The following SAMTOR variants were observed in gnomAD, a reference collection of about 807,000 sequenced individuals.
SAMTOR encodes UPF0532 protein C7orf60.
the SAMTOR span, among the ~76,000 whole-genome samples, chr7:112,916,835 T>C: frequency 2.6e-5 from 4 of 152,184 alleles, no homozygotes; most frequent in African/African-American, 4.8e-5. Flanking sequence ...AGAGTCTCGC[T>C]GATTGCTAGC....
chr7:112,834,382 CTTTT>C, the SAMTOR span, among the ~76,000 whole-genome samples: 3 of 142,650 alleles, frequency 2.1e-5, no homozygotes, highest in Non-Finnish European at 3.1e-5. Flanking sequence ...ATACACTTTA[CTTTT>C]TTTTTTTTCA....
At chr7:112,833,418 T>C in the SAMTOR span, among the ~76,000 whole-genome samples, 1 of 152,286 alleles carries the variant, frequency 6.6e-6, no homozygotes, top group East Asian at 1.9e-4. Context: ...TTAGACTTTT[T>C]CCCAGAATTA....
the SAMTOR span, among the ~76,000 whole-genome samples, chr7:112,921,970 C>T: frequency 6.6e-6 from 1 of 151,600 alleles, no homozygotes; most frequent in South Asian, 2.1e-4. Flanking sequence ...TCTCCCTCTC[C>T]CGCTCCCGCT....
chr7:112,819,821 A>G, the SAMTOR span: 1 of 152,494 alleles, frequency 6.6e-6, no homozygotes, highest in Non-Finnish European at 1.5e-5. Context: ...TTTACTTTCA[A>G]AGCATTTTCA....
At chr7:112,905,998 A>G in the SAMTOR span, among the ~76,000 whole-genome samples, 1 of 152,228 alleles carries the variant, frequency 6.6e-6, no homozygotes, top group Non-Finnish European at 1.5e-5. Context: ...ATAAACTCAT[A>G]TAAACAGAAA....
the SAMTOR span, among the ~76,000 whole-genome samples, chr7:112,936,819 T>C: frequency 6.6e-6 from 1 of 152,170 alleles, no homozygotes; most frequent in Non-Finnish European, 1.5e-5. Context: ...TAATCATACC[T>C]ATCCTATGGA....
At chr7:112,930,193 A>G in the SAMTOR span, among the ~76,000 whole-genome samples, 2 of 152,148 alleles carry the variant, frequency 1.3e-5, no homozygotes, top group African/African-American at 2.4e-5. Flanking sequence ...CTAAGTGCAA[A>G]CAAGTTCAGC....
At chr7:112,902,438 ACAAAAAAAAAC>A in the SAMTOR span, among the ~76,000 whole-genome samples, 81 of 93,002 alleles carry the variant, frequency 8.7e-4, 6 homozygotes, top group East Asian at 2.9e-3. Flanking sequence ...ACAAAAAAAA[ACAAAAAAAAAC>A]AAAAAAAAAA....
the SAMTOR span, among the ~76,000 whole-genome samples, chr7:112,910,640 C>A: frequency 6.6e-6 from 1 of 151,984 alleles, no homozygotes. Context: ...TCTCTAATGG[C>A]GGTACACCTC....
At chr7:112,859,729 G>A in the SAMTOR span, among the ~76,000 whole-genome samples, 1 of 152,186 alleles carries the variant, frequency 6.6e-6, no homozygotes, top group East Asian at 1.9e-4. Flanking sequence ...AAATTTAAAA[G>A]CTTATAGAAT....
At chr7:112,873,575 T>TA in the SAMTOR span, among the ~76,000 whole-genome samples, 2 of 152,172 alleles carry the variant, frequency 1.3e-5, no homozygotes, top group East Asian at 3.9e-4. Context: ...CAAGATGGGT[T>TA]AAAGGCTTAC....
At chr7:112,837,267 G>A in the SAMTOR span, among the ~76,000 whole-genome samples, 1 of 151,926 alleles carries the variant, frequency 6.6e-6, no homozygotes, top group Non-Finnish European at 1.5e-5. Context: ...GAATGCTGCT[G>A]ATTTTTGTAC....
chr7:112,930,240 T>A, the SAMTOR span, among the ~76,000 whole-genome samples: 2 of 152,116 alleles, frequency 1.3e-5, no homozygotes, highest in South Asian at 4.1e-4. Flanking sequence ...TGTTCAGAAT[T>A]CAGATTGTCT....
At chr7:112,928,616 T>C in the SAMTOR span, among the ~76,000 whole-genome samples, 1 of 151,974 alleles carries the variant, frequency 6.6e-6, no homozygotes, top group African/African-American at 2.4e-5. Context: ...ACATGAAAAG[T>C]ATAAACAAAT....
the SAMTOR span, among the ~76,000 whole-genome samples, chr7:112,930,477 A>C: frequency 2.0e-5 from 3 of 152,012 alleles, no homozygotes; most frequent in African/African-American, 7.2e-5. Context: ...ACATGCTAAA[A>C]AGGTTGGACT....
the SAMTOR span, among the ~76,000 whole-genome samples, chr7:112,911,478 AG>A: frequency 6.6e-6 from 1 of 152,108 alleles, no homozygotes; most frequent in Non-Finnish European, 1.5e-5. Flanking sequence ...CTGGAGAAAA[AG>A]GGTATTTATG....
the SAMTOR span, among the ~76,000 whole-genome samples, chr7:112,929,549 A>G: frequency 4.6e-5 from 7 of 152,068 alleles, no homozygotes; most frequent in African/African-American, 1.7e-4. Context: ...TAAAAATAAA[A>G]CTACTACATG....
At chr7:112,829,658 G>C in the SAMTOR span, among the ~76,000 whole-genome samples, 1 of 152,114 alleles carries the variant, frequency 6.6e-6, no homozygotes, top group African/African-American at 2.4e-5. Flanking sequence ...ACTGTGTTCT[G>C]GGATGTAGTT....
chr7:112,924,422 AAT>A, the SAMTOR span, among the ~76,000 whole-genome samples: 1 of 152,190 alleles, frequency 6.6e-6, no homozygotes, highest in East Asian at 1.9e-4. Flanking sequence ...TCTACAGTCT[AAT>A]AAGTACTGAG....
Sources: allele counts gnomAD v4.1 joint callset (sites outside exome capture counted in the v4.1 genomes callset), GRCh38; gene constraint gnomAD v4.1.1; transcripts MANE v1.5; gene names NCBI Gene and HGNC (gene_info 2026-07-23, HGNC 2026-07-21).